MYL1: variants seen among roughly 807,000 people sequenced by gnomAD.
The protein encoded by MYL1 is myosin light chain 1.
Under a neutral mutation model 21.8 loss-of-function variants are expected in MYL1, and 16 were observed. The ratio of observed to expected loss-of-function variants is 0.74; its 90% CI spans 0.50 to 1.12. The LOEUF (loss-of-function observed/expected upper bound fraction) is 1.12, where lower values mean the gene tolerates loss of function less well. MYL1 is among the 50% of genes most tolerant of loss of function. The pLI is 0.00. For missense variants in MYL1, 246 were observed against 241.0 expected (o/e 1.02, Z -0.14); for synonymous variants, 99 against 85.2 (o/e 1.16, Z -0.89).
chr2:210,292,618 T>A (rs1345836591), intron 5 of MYL1, among the ~76,000 whole-genome samples: 2 of 152,158 alleles, frequency 1.3e-5, no homozygotes, highest in Non-Finnish European at 2.9e-5. Context: ...GCCATATAGA[T>A]TTTTTAAAGT....
chr2:210,310,514 TA>T (rs945960445), intron 1 of MYL1, among the ~76,000 whole-genome samples: 11 of 152,070 alleles, frequency 7.2e-5, no homozygotes, highest in African/African-American at 2.7e-4. Context: ...CCAAAATTAC[TA>T]AAAAAACTCA....
intron 1 of MYL1, chr2:210,302,894 A>G: frequency 1.6e-6 from 2 of 1,268,898 alleles, no homozygotes; most frequent in Non-Finnish European, 1.1e-6. Flanking sequence ...TTAGGAAGCT[A>G]TGTAGGTGTC....
In MYL1 at chr2:210,302,971, A is replaced by T. The variant is rs530285401; in HGVS notation, c.133-456T>A. On this transcript the variant is annotated intron_variant, in intron 1 of 6. Coordinates refer to ENST00000352451, the MANE Select transcript of MYL1 (RefSeq NM_079420.3). ...AACATAAAAAGCTATTGCAAAAGAT[A>T]ATTAGGGAATATCTTTCTGCATCTT... 9 of 608,586 alleles carry T rather than the reference A, an allele frequency of 1.5e-5. No individual in the cohort carries two copies. In the East Asian group the frequency reaches 2.5e-4, roughly 17 times the overall value. 37.7% of individuals were successfully genotyped at this position (608,586 alleles called of 1,614,324 possible).
chr2:210,291,214 A>G, intron 5 of MYL1, 140 bp from the exon 6 acceptor site: 1 of 641,270 alleles, frequency 1.6e-6, no homozygotes, highest in Non-Finnish European at 2.7e-6. Flanking sequence ...TAAGGTGTGT[A>G]TAGCTCATAA....
At chr2:210,307,486 A>G (rs914945461) in intron 1 of MYL1, among the ~76,000 whole-genome samples, 3 of 152,276 alleles carry the variant, frequency 2.0e-5, no homozygotes, top group African/African-American at 7.2e-5. Flanking sequence ...ATTTTGAATT[A>G]TTGTTTATGT....
intron 1 of MYL1, among the ~76,000 whole-genome samples, chr2:210,311,437 T>C (rs971910355): frequency 1.3e-5 from 2 of 152,210 alleles, no homozygotes; most frequent in African/African-American, 4.8e-5. Flanking sequence ...AAATTCGTTA[T>C]TTGATAGTTT....
intron 2 of MYL1, among the ~76,000 whole-genome samples, chr2:210,300,944 T>C (rs1690255905): frequency 1.3e-5 from 2 of 152,154 alleles, no homozygotes; most frequent in African/African-American, 4.8e-5. Flanking sequence ...TTAAAATGCT[T>C]ACATTTGTTT....
At chr2:210,295,918 A>G (rs1181136316) in intron 3 of MYL1, among the ~76,000 whole-genome samples, 2 of 152,032 alleles carry the variant, frequency 1.3e-5, no homozygotes, top group Non-Finnish European at 2.9e-5. Context: ...GCTTTTCTAC[A>G]TGATGTAATT....
intron 2 of MYL1, among the ~76,000 whole-genome samples, chr2:210,300,818 T>C (rs1277079271): frequency 1.3e-5 from 2 of 152,166 alleles, no homozygotes; most frequent in African/African-American, 4.8e-5. Flanking sequence ...CACCCTTTCC[T>C]TCAATCCTGT....
At chr2:210,302,640 A>G in intron 1 of MYL1, 125 bp from the exon 2 acceptor site, 1 of 1,489,822 alleles carries the variant, frequency 6.7e-7, no homozygotes, top group Non-Finnish European at 9.1e-7. Context: ...CCTACTTTTC[A>G]GAGTTCAGGC....
chr2:210,295,021 G>C (rs948382262), intron 3 of MYL1, among the ~76,000 whole-genome samples: 2 of 151,952 alleles, frequency 1.3e-5, no homozygotes, highest in Admixed American at 6.6e-5. Context: ...CAAATATTTT[G>C]TGATCTTCTG....
chr2:210,294,597 T>C (rs1232934582), intron 3 of MYL1, among the ~76,000 whole-genome samples, 179 bp from the exon 4 acceptor site: 1 of 152,236 alleles, frequency 6.6e-6, no homozygotes, highest in African/African-American at 2.4e-5. Flanking sequence ...AGGTCTGGAA[T>C]TGCAGTTCCT....
rs1264085372 is a variant in MYL1, at chr2:210,294,470, G to A, written c.305-52C>T. The A allele has an allele frequency of 2.0e-6, 3 of 1,504,700 alleles. No homozygotes were observed. The African/African-American group carries it at 4.2e-5, about 21-fold the overall frequency. 93.2% of individuals were successfully genotyped at this position (1,504,700 alleles called of 1,614,324 possible). A position where few individuals can be genotyped will look rare whatever the true frequency, so the allele number is the denominator to read the frequency against. ...TATTAGCTACCATAATACTAACTCT[G>A]AGTCACAATTTAAACTTGAAAAGTT... is the stretch of plus-strand genomic sequence containing the variant. On this transcript the variant is annotated intron_variant, in intron 3 of 6. Coordinates refer to ENST00000352451, the MANE Select transcript of MYL1 (RefSeq NM_079420.3).
chr2:210,313,589 T>C (rs1268914634), intron 1 of MYL1, among the ~76,000 whole-genome samples: 2 of 152,058 alleles, frequency 1.3e-5, no homozygotes, highest in South Asian at 4.1e-4. Context: ...TAAGAATAGT[T>C]CTTAATATTA....
In MYL1 at chr2:210,294,233, A is replaced by G; in HGVS notation, c.478+12T>C. Reference sequence around the variant, plus strand: ...TCTGTCTCACTAAGTCCACTGAAATAAATTCCCTTACCCAGGGTGGCTAGA... The same window carrying G: ...TCTGTCTCACTAAGTCCACTGAAATGAATTCCCTTACCCAGGGTGGCTAGA... On this transcript the variant is annotated intron_variant, in intron 4 of 6. Transcript: ENST00000352451. 1 of 1,600,038 alleles carries G rather than the reference A, an allele frequency of 6.2e-7. No individual in the cohort carries two copies. The highest frequency in any genetic ancestry group is 8.5e-7 in the Non-Finnish European group (1 of 1,173,982).
chr2:210,311,112 T>A (rs1481424104), intron 1 of MYL1, among the ~76,000 whole-genome samples: 1 of 152,078 alleles, frequency 6.6e-6, no homozygotes, highest in East Asian at 1.9e-4. Context: ...GAATATTGGT[T>A]ATTGTTACAA....
At chr2:210,313,834 G>A (rs1397795419) in intron 1 of MYL1, among the ~76,000 whole-genome samples, 1 of 151,940 alleles carries the variant, frequency 6.6e-6, no homozygotes, top group Non-Finnish European at 1.5e-5. Context: ...TTGTTTATGG[G>A]TCAGCATCAT....
chr2:210,309,502 C>G, intron 1 of MYL1, among the ~76,000 whole-genome samples: 1 of 152,016 alleles, frequency 6.6e-6, no homozygotes. Flanking sequence ...TATAATATAC[C>G]TTTTAACTAG....
chr2:210,294,204 A>G, intron 4 of MYL1, 41 bp downstream of exon 4: 1 of 1,543,418 alleles, frequency 6.5e-7, no homozygotes, highest in Admixed American at 2.1e-5. Flanking sequence ...TCTTTTCTAT[A>G]TATTCTGTCT....
Sources: allele counts gnomAD v4.1 joint callset (sites outside exome capture counted in the v4.1 genomes callset), GRCh38; gene constraint gnomAD v4.1.1; transcripts MANE v1.5; gene names NCBI Gene and HGNC (gene_info 2026-07-23, HGNC 2026-07-21).